The following MEF2C variants were observed in gnomAD, a reference collection of about 807,000 sequenced individuals.
MEF2C encodes the protein myocyte-specific enhancer factor 2C.
In MEF2C, 6 loss-of-function variants were observed where a neutral mutation model predicts 50.5. That is an observed-to-expected ratio of 0.12 (90% CI 0.07 to 0.23). The LOEUF (loss-of-function observed/expected upper bound fraction) is 0.23. MEF2C is among the 10% of genes least tolerant of loss of function. The probability of loss-of-function intolerance (pLI) is 1.00; values close to 1 mark genes in which losing one functional copy is unlikely to be tolerated. For synonymous variants in MEF2C, 183 were observed against 228.0 expected, an observed-to-expected ratio of 0.80 and a Z score of 1.78; for missense variants, 276 against 605.0, an observed-to-expected ratio of 0.46 and a Z score of 5.70.
chr5:88,731,971 C>T, intron 6 of MEF2C, 70 bp from the exon 7 acceptor site: 1 of 1,387,346 alleles, frequency 7.2e-7, no homozygotes, highest in Non-Finnish European at 9.8e-7. Flanking sequence ...GAATACACAA[C>T]ATGAGAATAA....
chr5:88,775,474 C>T (rs1784331670), intron 3 of MEF2C, among the ~76,000 whole-genome samples: 1 of 152,070 alleles, frequency 6.6e-6, no homozygotes, highest in African/African-American at 2.4e-5. Context: ...AAATATAATT[C>T]ATAAGAAATA....
At position 88,718,862 on chromosome 5, in the gene MEF2C, C is replaced by T. The variant is rs1004090928; in HGVS notation, c.*3742G>A. The T allele has an allele frequency of 3.0e-4, 45 of 152,184 alleles. No individual in the cohort carries two copies. The highest frequency in any genetic ancestry group is 1.1e-3 in the African/African-American group (44 of 41,450). The allele number at this position is 152,184 out of a possible 1,614,324, so 9.4% of individuals were successfully genotyped here. On this transcript the variant is annotated 3_prime_UTR_variant, in exon 11 of 11. Coordinates refer to ENST00000504921, the MANE Select transcript of MEF2C (RefSeq NM_002397.5). ...CTTTAATTACATCTGTAGTCTGAAG[C>T]ATTCTAACAGACACCAGTATTCCAG...
intron 1 of MEF2C, among the ~76,000 whole-genome samples, chr5:88,856,049 A>C (rs1442336965): frequency 6.6e-6 from 1 of 152,166 alleles, no homozygotes; most frequent in African/African-American, 2.4e-5. Flanking sequence ...CTTTGACCAA[A>C]ATACTGATAG....
At chr5:88,791,637 T>G (rs1203761018) in intron 3 of MEF2C, among the ~76,000 whole-genome samples, 1 of 152,082 alleles carries the variant, frequency 6.6e-6, no homozygotes, top group Non-Finnish European at 1.5e-5. Flanking sequence ...AGCAAGAAGA[T>G]TATTTTTAAA....
intron 6 of MEF2C, chr5:88,746,514 T>C (rs1392749089): frequency 1.0e-6 from 1 of 985,042 alleles, no homozygotes. Flanking sequence ...AGTAACGTAA[T>C]TGCAGTCTCG....
At chr5:88,857,634 C>T (rs773938424) in intron 1 of MEF2C, among the ~76,000 whole-genome samples, 126 of 152,186 alleles carry the variant, frequency 8.3e-4, no homozygotes, top group Non-Finnish European at 1.4e-3. Flanking sequence ...GTAGTTCCCC[C>T]GTACTGTTCT....
At chr5:88,833,460 C>G (rs1022239575) in intron 1 of MEF2C, among the ~76,000 whole-genome samples, 1 of 152,114 alleles carries the variant, frequency 6.6e-6, no homozygotes, top group Non-Finnish European at 1.5e-5. Flanking sequence ...AAAAAAAAAT[C>G]TGTAGAGAAA....
At chr5:88,878,541 A>G (rs1831818327) in intron 1 of MEF2C, among the ~76,000 whole-genome samples, 1 of 152,022 alleles carries the variant, frequency 6.6e-6, no homozygotes, top group Non-Finnish European at 1.5e-5. Context: ...GCTGCTGGTC[A>G]TTGGATATTG....
intron 3 of MEF2C, among the ~76,000 whole-genome samples, chr5:88,785,755 C>T (rs1232897757): frequency 9.9e-6 from 1 of 100,864 alleles, no homozygotes; most frequent in Non-Finnish European, 2.7e-5. Context: ...TTTTTAAGAC[C>T]TTAGGAAAGT....
At chr5:88,851,219 GC>G (rs1821205182) in intron 1 of MEF2C, among the ~76,000 whole-genome samples, 1 of 119,448 alleles carries the variant, frequency 8.4e-6, no homozygotes, top group South Asian at 2.9e-4. Flanking sequence ...GTGACAGAGT[GC>G]CACTCCATCT....
intron 3 of MEF2C, among the ~76,000 whole-genome samples, chr5:88,776,903 G>C (rs1466589787): frequency 6.6e-6 from 1 of 152,172 alleles, no homozygotes; most frequent in Admixed American, 6.5e-5. Context: ...ACAAGGCCAA[G>C]TGCATGCTGC....
intron 3 of MEF2C, among the ~76,000 whole-genome samples, chr5:88,796,528 C>CT (rs1439378393): frequency 6.6e-6 from 1 of 152,068 alleles, no homozygotes; most frequent in African/African-American, 2.4e-5. Context: ...TCTCTCTCTT[C>CT]TTTTTTATTA....
chr5:88,837,162 A>G (rs1170762552), intron 1 of MEF2C, among the ~76,000 whole-genome samples: 1 of 152,180 alleles, frequency 6.6e-6, no homozygotes, highest in Non-Finnish European at 1.5e-5. Context: ...TGCTAGCTTT[A>G]AAGAAAATAA....
intron 1 of MEF2C, among the ~76,000 whole-genome samples, chr5:88,891,909 A>T (rs1055553814): frequency 4.0e-4 from 61 of 152,240 alleles, no homozygotes; most frequent in Admixed American, 3.7e-3. Context: ...TGTTGGTATT[A>T]ATTCTGCTCT....
intron 6 of MEF2C, chr5:88,735,517 A>C: frequency 1.0e-5 from 10 of 981,714 alleles, no homozygotes; most frequent in Non-Finnish European, 1.2e-5. Context: ...GACCAACTTT[A>C]GAGTCAGTTT....
At chr5:88,865,201 T>G (rs1041417434) in intron 1 of MEF2C, among the ~76,000 whole-genome samples, 2 of 152,152 alleles carry the variant, frequency 1.3e-5, no homozygotes, top group Non-Finnish European at 2.9e-5. Flanking sequence ...CCACCTAACA[T>G]CAGTATTTTA....
intron 4 of MEF2C, among the ~76,000 whole-genome samples, chr5:88,756,050 T>C (rs935185544): frequency 1.3e-4 from 20 of 152,256 alleles, no homozygotes; most frequent in African/African-American, 4.1e-4. Context: ...AATATAATTA[T>C]GGTATCAGAG....
chr5:88,818,611 C>T (rs1477735046), intron 2 of MEF2C, among the ~76,000 whole-genome samples: 1 of 151,940 alleles, frequency 6.6e-6, no homozygotes, highest in East Asian at 1.9e-4. Flanking sequence ...GACTTCTCCC[C>T]ATCCTTGTCA....
chr5:88,805,449 T>A (rs1279795408), intron 2 of MEF2C, among the ~76,000 whole-genome samples: 1 of 152,210 alleles, frequency 6.6e-6, no homozygotes, highest in African/African-American at 2.4e-5. Flanking sequence ...CTTCTTTTAA[T>A]CTAATCTATT....
Sources: allele counts gnomAD v4.1 joint callset (sites outside exome capture counted in the v4.1 genomes callset), GRCh38; gene constraint gnomAD v4.1.1; transcripts MANE v1.5; gene names NCBI Gene and HGNC (gene_info 2026-07-23, HGNC 2026-07-21).